Variants in BTBD9 observed in about 807,000 individuals in gnomAD.
The protein encoded by BTBD9 is BTB/POZ domain-containing protein 9.
In BTBD9, 49 loss-of-function variants were observed where a neutral mutation model predicts 64.3. The observed-to-expected ratio is 0.76, with a 90% CI of 0.61 to 0.97. The LOEUF is 0.97. BTBD9 is among the 50% of genes least tolerant of loss of function. BTBD9 has a pLI of 0.00. For missense variants in BTBD9, 598 were observed against 762.1 expected (o/e 0.78, Z 2.53); for synonymous variants, 260 against 274.7 (o/e 0.95, Z 0.53).
intron 6 of BTBD9, among the ~76,000 whole-genome samples, chr6:38,356,617 T>C (rs954125228): frequency 1.3e-5 from 2 of 152,180 alleles, no homozygotes; most frequent in African/African-American, 2.4e-5. Context: ...CTTATACAGG[T>C]TCCCTCTATT....
At chr6:38,271,364 A>T (rs1167808288) in intron 8 of BTBD9, among the ~76,000 whole-genome samples, 1 of 152,148 alleles carries the variant, frequency 6.6e-6, no homozygotes, top group Non-Finnish European at 1.5e-5. Context: ...CTAAATGCTG[A>T]TTTTAATATT....
At chr6:38,424,924 C>T (rs185679957) in intron 6 of BTBD9, among the ~76,000 whole-genome samples, 3 of 151,730 alleles carry the variant, frequency 2.0e-5, no homozygotes, top group East Asian at 1.9e-4. Flanking sequence ...CTGCAACCTC[C>T]GCCACCCAGG....
At position 38,453,248 on chromosome 6, in the gene BTBD9, G is replaced by A. The variant is rs115579346; in HGVS notation, c.1155-108155C>T. Reference sequence around the variant, plus strand: ...GAACAGAAAATGGAAAGCTCTCCCCGTAGAATTTATTGTCATCTTTCAGCT... The same window carrying A: ...GAACAGAAAATGGAAAGCTCTCCCCATAGAATTTATTGTCATCTTTCAGCT... On this transcript the variant is annotated intron_variant, in intron 6 of 10. Transcript: ENST00000481247. Among the ~76,000 whole-genome samples the A allele has an allele frequency of 1.9e-3, 289 of 152,182 alleles. 1 individual carries two copies. The highest frequency in any genetic ancestry group is 6.6e-3 in the African/African-American group (273 of 41,542).
intron 6 of BTBD9, among the ~76,000 whole-genome samples, chr6:38,395,453 A>G: frequency 6.6e-6 from 1 of 152,164 alleles, no homozygotes; most frequent in Non-Finnish European, 1.5e-5. Context: ...CCCTTCTGTC[A>G]TGTGAGGCCA....
At chr6:38,203,972 T>C (rs910443781) in intron 9 of BTBD9, among the ~76,000 whole-genome samples, 7 of 152,160 alleles carry the variant, frequency 4.6e-5, no homozygotes, top group Non-Finnish European at 7.4e-5. Flanking sequence ...CCTGACTTGG[T>C]CATTACACAT....
intron 9 of BTBD9, among the ~76,000 whole-genome samples, chr6:38,242,991 T>C (rs9394481): frequency 0.11 from 16,272 of 152,222 alleles, 1,280 homozygotes; most frequent in East Asian, 0.45. Context: ...TCACTTGTGT[T>C]TGGGAGGAGA....
chr6:38,415,437 C>T (rs2127266094), intron 6 of BTBD9, among the ~76,000 whole-genome samples: 1 of 152,230 alleles, frequency 6.6e-6, no homozygotes, highest in East Asian at 1.9e-4. Context: ...TGCTTTCTCC[C>T]TTAGAGCCTC....
intron 9 of BTBD9, among the ~76,000 whole-genome samples, chr6:38,249,298 A>G (rs1432972210): frequency 6.6e-6 from 1 of 152,134 alleles, no homozygotes; most frequent in Non-Finnish European, 1.5e-5. Context: ...TCTGTCACCC[A>G]GGCTGGAGTG....
chr6:38,281,075 C>A (rs1761495789), intron 8 of BTBD9, among the ~76,000 whole-genome samples: 1 of 152,166 alleles, frequency 6.6e-6, no homozygotes, highest in African/African-American at 2.4e-5. Flanking sequence ...AATTACAAAA[C>A]ATTATTTGAG....
chr6:38,470,903 C>T (rs139084908), intron 6 of BTBD9, among the ~76,000 whole-genome samples: 3 of 152,320 alleles, frequency 2.0e-5, no homozygotes, highest in East Asian at 1.9e-4. Flanking sequence ...TTTAATTATA[C>T]GATTCACTGC....
At chr6:38,541,332 T>C (rs937366638) in intron 6 of BTBD9, among the ~76,000 whole-genome samples, 2 of 152,150 alleles carry the variant, frequency 1.3e-5, no homozygotes, top group Non-Finnish European at 2.9e-5. Flanking sequence ...ATATAGAAGG[T>C]ACTCAAAATA....
intron 6 of BTBD9, among the ~76,000 whole-genome samples, chr6:38,577,271 A>G (rs968017363): frequency 1.3e-5 from 2 of 152,218 alleles, no homozygotes; most frequent in African/African-American, 4.8e-5. Context: ...TCTGCTTTCA[A>G]TGTATCACAA....
chr6:38,386,628 CTCTTT>C lies in BTBD9; in HGVS notation c.1155-41540_1155-41536del, dbSNP rs1200292248. Reference sequence around the variant, plus strand: ...TATTTGGGATACATTTTCCAGTTTACTCTTTTTTTTTTTTTTTTTTTTTTGGAGTG... The same window carrying C: ...TATTTGGGATACATTTTCCAGTTTACTTTTTTTTTTTTTTTTTTTGGAGTG... On this transcript the variant is annotated intron_variant, in intron 6 of 10. Transcript: ENST00000481247. Among the ~76,000 whole-genome samples, 3 of 122,326 alleles carry C rather than the reference CTCTTT, an allele frequency of 2.5e-5. No homozygotes were observed. In the East Asian group the frequency reaches 8.7e-4, roughly 36 times the overall value. The allele number at this position is 122,326 out of a possible 152,430, so 80.3% of individuals were successfully genotyped here. A position where few individuals can be genotyped will look rare whatever the true frequency, so the allele number is the denominator to read the frequency against.
chr6:38,496,114 GCT>G (rs1302301416), intron 6 of BTBD9, among the ~76,000 whole-genome samples: 2 of 152,142 alleles, frequency 1.3e-5, no homozygotes, highest in Non-Finnish European at 2.9e-5. Context: ...CCTCCTCTGT[GCT>G]CTGTCACTGG....
At chr6:38,273,509 A>G (rs1765264759) in intron 8 of BTBD9, among the ~76,000 whole-genome samples, 1 of 152,176 alleles carries the variant, frequency 6.6e-6, no homozygotes, top group South Asian at 2.1e-4. Context: ...AGAGATAATG[A>G]CATGCAATTT....
At chr6:38,418,638 T>C (rs1400103670) in intron 6 of BTBD9, among the ~76,000 whole-genome samples, 1 of 152,166 alleles carries the variant, frequency 6.6e-6, no homozygotes, top group East Asian at 1.9e-4. Flanking sequence ...TTTCAAAACA[T>C]TTTTTCCCCA....
intron 6 of BTBD9, among the ~76,000 whole-genome samples, chr6:38,405,143 C>T (rs147744259): frequency 5.9e-5 from 9 of 152,268 alleles, no homozygotes; most frequent in Admixed American, 2.6e-4. Context: ...TAGGAATGTA[C>T]CATGATCTCT....
At chr6:38,387,313 G>A (rs547027532) in intron 6 of BTBD9, among the ~76,000 whole-genome samples, 13 of 152,324 alleles carry the variant, frequency 8.5e-5, no homozygotes, top group Admixed American at 5.9e-4. Context: ...GAGGCGGGAG[G>A]ATCACCTGAG....
intron 7 of BTBD9, among the ~76,000 whole-genome samples, chr6:38,289,043 A>C (rs1761860809): frequency 6.6e-6 from 1 of 152,156 alleles, no homozygotes; most frequent in South Asian, 2.1e-4. Flanking sequence ...TATATACATA[A>C]AACTAAAAAG....
Sources: gnomAD v4.1 joint callset for allele counts (sites outside exome capture counted in the v4.1 genomes callset) on GRCh38, gnomAD v4.1.1 for gene constraint, MANE v1.5 for transcripts, NCBI Gene and HGNC (gene_info 2026-07-23, HGNC 2026-07-21) for gene names.